The following SPPL2A variants were observed in gnomAD, a reference collection of about 807,000 sequenced individuals.
SPPL2A encodes the protein signal peptide peptidase like 2A.
In SPPL2A, 51 loss-of-function variants were observed where a neutral mutation model predicts 63.8. The ratio of observed to expected loss-of-function variants is 0.80; its 90% CI spans 0.64 to 1.01. The LOEUF (loss-of-function observed/expected upper bound fraction) is 1.01. Ranked by LOEUF, SPPL2A falls within the 50% of genes least tolerant of loss-of-function variation. The pLI, the probability that SPPL2A is intolerant of heterozygous loss-of-function variation, is 0.00. For synonymous variants in SPPL2A, 188 were observed against 205.8 expected, an observed-to-expected ratio of 0.91 and a Z score of 0.74; for missense variants, 553 against 622.7, an observed-to-expected ratio of 0.89 and a Z score of 1.19.
intron 1 of SPPL2A, among the ~76,000 whole-genome samples, chr15:50,755,689 A>G (rs530808013): frequency 6.6e-6 from 1 of 150,782 alleles, no homozygotes; most frequent in South Asian, 2.1e-4. Context: ...CTTGGGCCCC[A>G]TTCCAGACCT....
intron 9 of SPPL2A, among the ~76,000 whole-genome samples, 194 bp from the exon 10 acceptor site, chr15:50,731,233 A>T (rs549952173): frequency 3.5e-4 from 54 of 152,154 alleles, no homozygotes; most frequent in Non-Finnish European, 5.0e-4. Flanking sequence ...TTATTTTTTT[A>T]AAAAAAATCA....
intron 5 of SPPL2A, among the ~76,000 whole-genome samples, chr15:50,746,461 A>G: frequency 7.0e-6 from 1 of 142,262 alleles, no homozygotes; most frequent in South Asian, 2.3e-4. Flanking sequence ...AAAAAAAAAA[A>G]GGAAAATGTA....
At position 50,765,592 on chromosome 15, in the gene SPPL2A, G is replaced by A; in HGVS notation, c.-59C>T. ...GCGGCGCAGCTCACTCGGCGGGGTA[G>A]GCTCGGAGTCCCGCCGCTGCGCTGC... On this transcript the variant is annotated 5_prime_UTR_variant, in exon 1 of 15. Coordinates refer to ENST00000261854, the MANE Select transcript of SPPL2A (RefSeq NM_032802.4). 8.4e-7 allele frequency: 1 copy of A among 1,193,694 alleles called. No homozygotes were observed. Among genetic ancestry groups the A allele is most frequent in the Non-Finnish European group, 1.1e-6 (1 of 919,468 alleles). 73.9% of individuals were successfully genotyped at this position (1,193,694 alleles called of 1,614,324 possible). A position where few individuals can be genotyped will look rare whatever the true frequency, so the allele number is the denominator to read the frequency against.
At position 50,703,352 on chromosome 15, in the gene SPPL2A, ATATATTTTTT is replaced by A. The variant is rs2062489767; in HGVS notation, c.*4438_*4447del. 9.5e-5 allele frequency: 6 copies of A among 63,378 alleles called. No homozygotes were observed. Among genetic ancestry groups the A allele is most frequent in the African/African-American group, 3.8e-4 (6 of 15,826 alleles). The allele number at this position is 63,378 out of a possible 1,614,324, so 3.9% of individuals were successfully genotyped here. On this transcript the variant is annotated 3_prime_UTR_variant, in exon 15 of 15. Transcript: ENST00000261854. The stretch of plus-strand genomic sequence containing the variant: ...TATATATATATATATATATACATAT[ATATATTTTTT>A]TTTTTTTTTTTTTTTTTTGAGATGG...
In SPPL2A at chr15:50,765,540, G is replaced by C; in HGVS notation, c.-7C>G. 1 of 1,489,536 alleles carries C rather than the reference G, an allele frequency of 6.7e-7. No individual in the cohort carries two copies. Among genetic ancestry groups the C allele is most frequent in the Non-Finnish European group, 8.9e-7 (1 of 1,127,348 alleles). 92.3% of individuals were successfully genotyped at this position (1,489,536 alleles called of 1,614,324 possible). On this transcript the variant is annotated 5_prime_UTR_variant, in exon 1 of 15. Transcript: ENST00000261854. ...GCCGCCGCTGCGGCCCCATCGGACT[G>C]GTGGGTGCCGGGTGGGACGGCACGG...
At chr15:50,761,575 C>G (rs1251294808) in intron 1 of SPPL2A, among the ~76,000 whole-genome samples, 1 of 151,982 alleles carries the variant, frequency 6.6e-6, no homozygotes, top group Non-Finnish European at 1.5e-5. Flanking sequence ...GGGATCGCAC[C>G]ATTGCACTTC....
At chr15:50,765,429 C>A in intron 1 of SPPL2A, 39 bp downstream of exon 1, 1 of 1,483,066 alleles carries the variant, frequency 6.7e-7, no homozygotes, top group Non-Finnish European at 8.9e-7. Flanking sequence ...CGGCCCCGCC[C>A]AGCCCCTGGG....
At chr15:50,715,910 G>A (rs2062595806) in intron 14 of SPPL2A, among the ~76,000 whole-genome samples, 1 of 151,176 alleles carries the variant, frequency 6.6e-6, no homozygotes, top group Non-Finnish European at 1.5e-5. Context: ...GAAATTACTG[G>A]GTCAAAGTAA....
chr15:50,703,354 ATATTTTT>A lies in SPPL2A; in HGVS notation c.*4439_*4445del, dbSNP rs2062490017. ...TATATATATATATATATACATATATATATTTTTTTTTTTTTTTTTTTTTTTTGAGATG... is the reference window on the plus strand; with the variant it reads ...TATATATATATATATATACATATATATTTTTTTTTTTTTTTTTTTGAGATG... On this transcript the variant is annotated 3_prime_UTR_variant, in exon 15 of 15. Transcript: ENST00000261854. 3.5e-4 allele frequency: 23 copies of A among 65,802 alleles called. No homozygotes were observed. The highest frequency in any genetic ancestry group is 8.6e-3 in the Middle Eastern group (1 of 116). 4.1% of individuals were successfully genotyped at this position (65,802 alleles called of 1,614,324 possible).
intron 5 of SPPL2A, among the ~76,000 whole-genome samples, chr15:50,740,283 C>CG (rs1848128742): frequency 6.6e-6 from 1 of 151,372 alleles, no homozygotes; most frequent in Admixed American, 6.6e-5. Context: ...AAAAATTAGC[C>CG]GGGTGTGGTG....
chr15:50,752,770 TG>T (rs751891128), intron 1 of SPPL2A, among the ~76,000 whole-genome samples: 4 of 152,052 alleles, frequency 2.6e-5, no homozygotes, highest in Non-Finnish European at 5.9e-5. Flanking sequence ...GAGGACTTCT[TG>T]TTTTTTTGAC....
At chr15:50,745,100 A>G (rs1346432077) in intron 5 of SPPL2A, among the ~76,000 whole-genome samples, 1 of 152,138 alleles carries the variant, frequency 6.6e-6, no homozygotes, top group Non-Finnish European at 1.5e-5. Flanking sequence ...CATTTCTTTC[A>G]ATAAAAATAC....
chr15:50,749,676 T>C lies in SPPL2A; in HGVS notation c.137A>G (p.Asn46Ser), dbSNP rs2062891086. 1.2e-6 allele frequency: 2 copies of C among 1,612,584 alleles called. No homozygotes were observed. ...GTTKDYCMLY[N>S]PYWTALPSTL... ...ACTTGGAAGAGCTGTCCAATAAGGGTTATAAAGCATGCAGTAGTCCTTGGT... is the reference window on the plus strand; with the variant it reads ...ACTTGGAAGAGCTGTCCAATAAGGGCTATAAAGCATGCAGTAGTCCTTGGT... The change falls in exon 2 of 15, where the codon AAC becomes AGC. Residue 46 changes from asparagine (N) to serine (S), a missense_variant. Asn to Ser is a conservative substitution (Grantham distance 46, BLOSUM62 1). Transcript: ENST00000261854.
intron 12 of SPPL2A, among the ~76,000 whole-genome samples, chr15:50,724,320 TA>T (rs1171650232): frequency 6.6e-6 from 1 of 152,166 alleles, no homozygotes; most frequent in Non-Finnish European, 1.5e-5. Context: ...CTCACGCCTG[TA>T]ATCCCAGCAC....
At chr15:50,725,108 G>A (rs1879654747) in intron 12 of SPPL2A, 113 bp downstream of exon 12, 2 of 731,096 alleles carry the variant, frequency 2.7e-6, no homozygotes, top group African/African-American at 1.8e-5. Flanking sequence ...CAGCTCTAGT[G>A]ACAGCCAGAA....
intron 14 of SPPL2A, among the ~76,000 whole-genome samples, chr15:50,717,634 C>A (rs1420652648): frequency 6.6e-6 from 1 of 152,140 alleles, no homozygotes; most frequent in Non-Finnish European, 1.5e-5. Flanking sequence ...GCTTCCTTCT[C>A]CAGCTTTCAT....
chr15:50,724,420 C>CA (rs573458188), intron 12 of SPPL2A, among the ~76,000 whole-genome samples: 2 of 151,530 alleles, frequency 1.3e-5, no homozygotes, highest in South Asian at 2.1e-4. Context: ...ACTAAAAATA[C>CA]AAAAAAAATT....
At chr15:50,725,704 T>C (rs1014036431) in intron 11 of SPPL2A, among the ~76,000 whole-genome samples, 1 of 152,152 alleles carries the variant, frequency 6.6e-6, no homozygotes, top group African/African-American at 2.4e-5. Flanking sequence ...GTGCTGGTAT[T>C]ACAGGCATGA....
rs140832169 is a variant in SPPL2A, at chr15:50,728,730, G to A, written c.1089+2235C>T. 2.0e-3 allele frequency among the ~76,000 whole-genome samples: 304 copies of A among 151,228 alleles called. 8 individuals carry two copies. The East Asian group carries it at 0.053, about 26-fold the overall frequency. On this transcript the variant is annotated intron_variant, in intron 10 of 14. Coordinates refer to ENST00000261854, the MANE Select transcript of SPPL2A (RefSeq NM_032802.4). ...ACGATCTCGGCTCACTGTAACCTCC[G>A]CTCCTGGCTTCAAGCGATCTTCCCA...
Sources: allele counts gnomAD v4.1 joint callset (sites outside exome capture counted in the v4.1 genomes callset), GRCh38; gene constraint gnomAD v4.1.1; transcripts MANE v1.5; gene names NCBI Gene and HGNC (gene_info 2026-07-23, HGNC 2026-07-21).